The following ADAMTSL3 variants were observed in gnomAD, a reference collection of about 807,000 sequenced individuals.
ADAMTSL3 encodes the protein ADAMTS-like protein 3.
A neutral mutation model predicts 201.7 loss-of-function variants in ADAMTSL3; 128 were observed. That is an observed-to-expected ratio of 0.63 (90% CI 0.55 to 0.73). The LOEUF (loss-of-function observed/expected upper bound fraction) is 0.73, where lower values mean the gene tolerates loss of function less well. ADAMTSL3 is among the 30% of genes least tolerant of loss of function. The pLI is 0.00. For synonymous variants in ADAMTSL3, 738 were observed against 748.4 expected (o/e 0.99, Z 0.23); for missense variants, 1,990 against 2,119.6 (o/e 0.94, Z 1.20).
intron 19 of ADAMTSL3, among the ~76,000 whole-genome samples, chr15:83,951,911 T>C (rs1214031794): frequency 6.6e-6 from 1 of 152,204 alleles, no homozygotes. Flanking sequence ...GTTTTCTTAG[T>C]CTGGCAAGAG....
chr15:83,899,261 C>A (rs1370458011), intron 14 of ADAMTSL3, among the ~76,000 whole-genome samples: 1 of 152,132 alleles, frequency 6.6e-6, no homozygotes, highest in Non-Finnish European at 1.5e-5. Context: ...TTGCCTTTCT[C>A]TATTAATGTT....
intron 20 of ADAMTSL3, among the ~76,000 whole-genome samples, chr15:83,971,711 G>A (rs2067200556): frequency 1.3e-5 from 2 of 151,294 alleles, no homozygotes; most frequent in South Asian, 2.1e-4. Flanking sequence ...AACAGGCATA[G>A]TGGAAATAAC....
chr15:84,004,825 G>A (rs2067864676), intron 23 of ADAMTSL3, among the ~76,000 whole-genome samples: 1 of 152,168 alleles, frequency 6.6e-6, no homozygotes, highest in Non-Finnish European at 1.5e-5. Context: ...TGGTGAAAGG[G>A]AATAGCAAAT....
intron 5 of ADAMTSL3, among the ~76,000 whole-genome samples, chr15:83,808,550 T>G (rs1251152356): frequency 1.3e-5 from 2 of 152,300 alleles, no homozygotes; most frequent in East Asian, 3.9e-4. Flanking sequence ...TAGTTCAGTG[T>G]TTGTGGAAAA....
At chr15:83,760,945 A>G (rs1253389091) in intron 3 of ADAMTSL3, among the ~76,000 whole-genome samples, 2 of 152,066 alleles carry the variant, frequency 1.3e-5, no homozygotes, top group Non-Finnish European at 2.9e-5. Context: ...GATTTATTCT[A>G]TTTGGGTTTA....
At chr15:83,689,089 T>C (rs895116477) in intron 2 of ADAMTSL3, among the ~76,000 whole-genome samples, 4 of 152,144 alleles carry the variant, frequency 2.6e-5, no homozygotes, top group African/African-American at 9.7e-5. Flanking sequence ...TCCCAAGATG[T>C]TGGGATTACA....
chr15:83,956,813 G>C (rs1049161911), intron 19 of ADAMTSL3, among the ~76,000 whole-genome samples: 2 of 152,118 alleles, frequency 1.3e-5, no homozygotes, highest in Non-Finnish European at 1.5e-5. Context: ...TTTGGCTGAA[G>C]TATAAAGATT....
chr15:83,761,700 T>C (rs1373740812), intron 3 of ADAMTSL3, among the ~76,000 whole-genome samples: 1 of 152,232 alleles, frequency 6.6e-6, no homozygotes, highest in East Asian at 1.9e-4. Flanking sequence ...CCCAAGAGCA[T>C]AGATAATATC....
At chr15:83,664,332 G>A (rs1724299261) in intron 2 of ADAMTSL3, among the ~76,000 whole-genome samples, 1 of 151,744 alleles carries the variant, frequency 6.6e-6, no homozygotes, top group Non-Finnish European at 1.5e-5. Context: ...ACCTCAGAGG[G>A]GCTTCTGTTT....
At chr15:83,718,898 T>C (rs2062057271) in intron 3 of ADAMTSL3, among the ~76,000 whole-genome samples, 1 of 152,212 alleles carries the variant, frequency 6.6e-6, no homozygotes, top group Non-Finnish European at 1.5e-5. Context: ...CTGCCTTTTC[T>C]ATATGAACAA....
intron 5 of ADAMTSL3, among the ~76,000 whole-genome samples, chr15:83,806,171 A>G (rs1043295674): frequency 2.7e-4 from 7 of 26,068 alleles, no homozygotes; most frequent in Non-Finnish European, 4.4e-4. Flanking sequence ...AACCCTAGCT[A>G]TTTAGACCCT....
intron 3 of ADAMTSL3, among the ~76,000 whole-genome samples, chr15:83,761,483 A>G (rs1302394486): frequency 1.3e-5 from 2 of 152,166 alleles, no homozygotes; most frequent in Non-Finnish European, 2.9e-5. Flanking sequence ...TCTGCTGAAG[A>G]TGAATTCTCT....
Position 83,899,805 on chromosome 15 carries a change from T to C in ADAMTSL3, c.1700+74T>C, listed in dbSNP as rs931854682. On this transcript the variant is annotated intron_variant, in intron 15 of 29. Coordinates refer to ENST00000286744, the MANE Select transcript of ADAMTSL3 (RefSeq NM_207517.3). The stretch of plus-strand genomic sequence containing the variant: ...ATGATATATGTAATTTTTGTACTCA[T>C]TGGAGTACAGTGATACATTTAATAT... 10 of 1,532,094 alleles carry C rather than the reference T, an allele frequency of 6.5e-6. No individual in the cohort carries two copies. The South Asian group carries it at 9.8e-5, about 15-fold the overall frequency. The allele number at this position is 1,532,094 out of a possible 1,614,324, so 94.9% of individuals were successfully genotyped here. A position where few individuals can be genotyped will look rare whatever the true frequency, so the allele number is the denominator to read the frequency against.
chr15:83,992,659 G>A (rs1340132278), intron 23 of ADAMTSL3, among the ~76,000 whole-genome samples: 2 of 152,188 alleles, frequency 1.3e-5, no homozygotes, highest in African/African-American at 4.8e-5. Flanking sequence ...TGAAAATCAG[G>A]CTTTCAGGGA....
chr15:83,850,101 G>GA (rs34734300), intron 7 of ADAMTSL3, among the ~76,000 whole-genome samples: 21,397 of 150,478 alleles, frequency 0.14, 1,961 homozygotes, highest in Middle Eastern at 0.33. Context: ...AGGAAGATTA[G>GA]AAAAAAAAAA....
intron 17 of ADAMTSL3, among the ~76,000 whole-genome samples, chr15:83,930,834 T>C (rs1236057646): frequency 1.3e-5 from 2 of 152,220 alleles, no homozygotes; most frequent in Non-Finnish European, 2.9e-5. Context: ...ACTAGTGGTG[T>C]AGGAATAACA....
intron 19 of ADAMTSL3, among the ~76,000 whole-genome samples, chr15:83,958,766 A>G (rs1459221281): frequency 1.3e-5 from 2 of 152,158 alleles, no homozygotes; most frequent in Admixed American, 1.3e-4. Flanking sequence ...AAATTCAAGA[A>G]ATGAGATGAA....
chr15:83,867,531 A>T (rs1260666279), intron 8 of ADAMTSL3, among the ~76,000 whole-genome samples: 1 of 152,236 alleles, frequency 6.6e-6, no homozygotes, highest in African/African-American at 2.4e-5. Flanking sequence ...AGTTGGAAGA[A>T]TATTTTCCCT....
intron 6 of ADAMTSL3, among the ~76,000 whole-genome samples, chr15:83,830,471 C>T (rs576466222): frequency 3.3e-5 from 5 of 152,222 alleles, no homozygotes; most frequent in East Asian, 3.9e-4. Flanking sequence ...TTAAGAAGGC[C>T]GGTTAGCAGT....
Sources: allele counts gnomAD v4.1 joint callset (sites outside exome capture counted in the v4.1 genomes callset), GRCh38; gene constraint gnomAD v4.1.1; transcripts MANE v1.5; gene names NCBI Gene and HGNC (gene_info 2026-07-23, HGNC 2026-07-21).